The following GDPD4 variants were observed in gnomAD, a reference collection of about 807,000 sequenced individuals.
The protein encoded by GDPD4 is glycerophosphodiester phosphodiesterase domain containing 4, also known as glycerophosphodiester phosphodiesterase 6.
In GDPD4, 60 loss-of-function variants were observed where a neutral mutation model predicts 67.8. The observed-to-expected ratio is 0.88, with a 90% confidence interval of 0.72 to 1.10. The LOEUF is 1.10. Ranked by LOEUF, GDPD4 falls within the 50% of genes least tolerant of loss-of-function variation. GDPD4 has a pLI of 0.00. For synonymous variants in GDPD4, 212 were observed against 210.9 expected (o/e 1.00, Z -0.04); for missense variants, 623 against 613.9 (o/e 1.01, Z -0.16).
At chr11:77,223,595 G>A (rs1465040556) in intron 16 of GDPD4, among the ~76,000 whole-genome samples, 1 of 152,158 alleles carries the variant, frequency 6.6e-6, no homozygotes, top group East Asian at 1.9e-4. Context: ...CTGGCTGTAT[G>A]ACCTGTCAGT....
chr11:77,255,732 G>A (rs923413823), intron 11 of GDPD4, among the ~76,000 whole-genome samples: 12 of 151,886 alleles, frequency 7.9e-5, no homozygotes, highest in South Asian at 2.1e-4. Flanking sequence ...ATGGTGGCGC[G>A]TAGCTATAAT....
At chr11:77,251,578 T>C (rs1958899267) in intron 11 of GDPD4, among the ~76,000 whole-genome samples, 1 of 152,136 alleles carries the variant, frequency 6.6e-6, no homozygotes, top group Non-Finnish European at 1.5e-5. Context: ...GTCAGTCTAA[T>C]GAGAATTCCT....
chr11:77,284,928 C>T (rs1959931041), intron 3 of GDPD4, among the ~76,000 whole-genome samples, 157 bp downstream of exon 3: 1 of 152,172 alleles, frequency 6.6e-6, no homozygotes, highest in Non-Finnish European at 1.5e-5. Context: ...CCTACCCCTG[C>T]CCCAGAGGCA....
At chr11:77,245,539 T>C (rs1228380301) in intron 11 of GDPD4, 37 bp from the exon 12 acceptor site, 1 of 1,445,210 alleles carries the variant, frequency 6.9e-7, no homozygotes, top group South Asian at 1.2e-5. Flanking sequence ...ATAAAAGCAC[T>C]TTCCAGTTCT....
intron 13 of GDPD4, among the ~76,000 whole-genome samples, chr11:77,236,616 A>G (rs948033738): frequency 6.6e-6 from 1 of 152,216 alleles, no homozygotes; most frequent in African/African-American, 2.4e-5. Flanking sequence ...ACTTTAGATA[A>G]GATTAATTAC....
intron 11 of GDPD4, among the ~76,000 whole-genome samples, chr11:77,247,925 G>A (rs1240419514): frequency 6.6e-6 from 1 of 151,806 alleles, no homozygotes; most frequent in African/African-American, 2.4e-5. Context: ...GGTGGCACAT[G>A]CCTGTAATCC....
At chr11:77,226,543 G>A (rs1161659778) in intron 16 of GDPD4, among the ~76,000 whole-genome samples, 1 of 152,142 alleles carries the variant, frequency 6.6e-6, no homozygotes, top group African/African-American at 2.4e-5. Flanking sequence ...AAATTTGCCA[G>A]CACCTTGATC....
intron 10 of GDPD4, among the ~76,000 whole-genome samples, chr11:77,259,363 T>C (rs1205833102): frequency 6.6e-6 from 1 of 152,178 alleles, no homozygotes; most frequent in Non-Finnish European, 1.5e-5. Flanking sequence ...TGCAATTTGC[T>C]TTGGAGAATC....
Position 77,227,899 on chromosome 11 carries a change from T to G in GDPD4, c.1490A>C (p.Lys497Thr). 1 of 1,613,426 alleles carries G rather than the reference T, an allele frequency of 6.2e-7. No individual in the cohort carries two copies. Among genetic ancestry groups the G allele is most frequent in the Non-Finnish European group, 8.5e-7 (1 of 1,179,354 alleles). The change falls in exon 16 of 17, where the codon AAA becomes ACA. Residue 497 changes from lysine to threonine, a missense_variant. Coordinates refer to ENST00000315938, the MANE Select transcript of GDPD4 (RefSeq NM_182833.3). ...FCFHWRRETE[K>T]EKLFETSSTR... ...GCTGGAGGTTTCAAACAATTTTTCT[T>G]TTTCAGTCTCTCTCCGCCTAGAAGG...
rs1958132309 is a variant in GDPD4, at chr11:77,216,979, C to T, written c.*298G>A. ...CTATGGAGGGCATGGTTGGCTTATC[C>T]ACCTTCAGGGTGGGCAATGTAGTTT... is the stretch of plus-strand genomic sequence containing the variant. On this transcript the variant is annotated 3_prime_UTR_variant, in exon 17 of 17. Transcript: ENST00000315938. The T allele has an allele frequency of 4.3e-6, 3 of 702,950 alleles. No individual in the cohort carries two copies. The highest frequency in any genetic ancestry group is 7.8e-6 in the Non-Finnish European group (3 of 384,992). The allele number at this position is 702,950 out of a possible 1,614,324, so 43.5% of individuals were successfully genotyped here. A position where few individuals can be genotyped will look rare whatever the true frequency, so the allele number is the denominator to read the frequency against.
intron 10 of GDPD4, among the ~76,000 whole-genome samples, chr11:77,266,589 G>A (rs1232747376): frequency 6.6e-6 from 1 of 152,034 alleles, no homozygotes; most frequent in Non-Finnish European, 1.5e-5. Flanking sequence ...ATTCTAGAAG[G>A]CATTGTTTTC....
At chr11:77,285,539 T>C (rs1184274855) in intron 2 of GDPD4, among the ~76,000 whole-genome samples, 2 of 152,224 alleles carry the variant, frequency 1.3e-5, no homozygotes, top group African/African-American at 2.4e-5. Context: ...TATCAAATGT[T>C]TTGTTCAGCA....
intron 10 of GDPD4, among the ~76,000 whole-genome samples, chr11:77,261,236 A>C (rs908338053): frequency 2.0e-5 from 3 of 151,756 alleles, no homozygotes; most frequent in African/African-American, 7.3e-5. Flanking sequence ...CTTTGGGCCT[A>C]ACATCTTTTT....
chr11:77,252,075 T>G (rs898665331), intron 11 of GDPD4, among the ~76,000 whole-genome samples: 1 of 148,870 alleles, frequency 6.7e-6, no homozygotes, highest in Non-Finnish European at 1.5e-5. Flanking sequence ...GTTTTTTTTT[T>G]TTTTTTGAGA....
chr11:77,276,965 T>C (rs1959497567), intron 4 of GDPD4, among the ~76,000 whole-genome samples: 1 of 152,056 alleles, frequency 6.6e-6, no homozygotes, highest in South Asian at 2.1e-4. Flanking sequence ...TTGACCAAGG[T>C]TACATAGTAC....
chr11:77,294,836 C>CAT (rs937963054), intron 1 of GDPD4, among the ~76,000 whole-genome samples: 13 of 151,686 alleles, frequency 8.6e-5, no homozygotes, highest in Non-Finnish European at 1.3e-4. Context: ...GAAAAAGGCC[C>CAT]ATATATATAT....
chr11:77,223,004 G>A (rs1436375543), intron 16 of GDPD4, among the ~76,000 whole-genome samples: 2 of 152,016 alleles, frequency 1.3e-5, no homozygotes, highest in Non-Finnish European at 2.9e-5. Context: ...TCTTCCACTT[G>A]ATCAAATCAG....
intron 13 of GDPD4, among the ~76,000 whole-genome samples, chr11:77,237,328 G>A (rs530036507): frequency 6.6e-6 from 1 of 152,174 alleles, no homozygotes; most frequent in African/African-American, 2.4e-5. Context: ...AATCTCGGCA[G>A]TATGTAGGTT....
At chr11:77,222,790 T>TG (rs1231824611) in intron 16 of GDPD4, among the ~76,000 whole-genome samples, 1 of 152,228 alleles carries the variant, frequency 6.6e-6, no homozygotes, top group Non-Finnish European at 1.5e-5. Context: ...CTTGCTAGGT[T>TG]GGGGATGTTC....
Sources: gnomAD v4.1 joint callset for allele counts (sites outside exome capture counted in the v4.1 genomes callset) on GRCh38, gnomAD v4.1.1 for gene constraint, MANE v1.5 for transcripts, NCBI Gene and HGNC (gene_info 2026-07-23, HGNC 2026-07-21) for gene names.